MYO5A: variants seen among roughly 807,000 people sequenced by gnomAD.
The protein encoded by MYO5A is myosin VA.
Under a neutral mutation model 249.7 loss-of-function variants are expected in MYO5A, and 98 were observed. The observed-to-expected ratio is 0.39, with a 90% confidence interval of 0.33 to 0.46. MYO5A has a LOEUF of 0.46. Among genes scored for constraint, MYO5A ranks in the 20% least tolerant of loss-of-function variants. The pLI, the probability that MYO5A is intolerant of heterozygous loss-of-function variation, is 0.98. For missense variants in MYO5A, 1,696 were observed against 2,308.8 expected (o/e 0.73, Z 5.44); for synonymous variants, 778 against 810.6 (o/e 0.96, Z 0.68).
intron 1 of MYO5A, among the ~76,000 whole-genome samples, chr15:52,482,237 C>T (rs1043962827): frequency 6.6e-6 from 1 of 152,030 alleles, no homozygotes; most frequent in Non-Finnish European, 1.5e-5. Flanking sequence ...CTCTTTTTTT[C>T]GTTTAACATA....
chr15:52,507,893 T>C (rs975576962), intron 1 of MYO5A, among the ~76,000 whole-genome samples: 1 of 151,804 alleles, frequency 6.6e-6, no homozygotes, highest in African/African-American at 2.4e-5. Flanking sequence ...ATAAATTATT[T>C]AAAATAGACA....
chr15:52,400,864 TTCTA>T (rs1196160172), intron 9 of MYO5A, among the ~76,000 whole-genome samples: 3 of 152,196 alleles, frequency 2.0e-5, no homozygotes, highest in Admixed American at 1.3e-4. Flanking sequence ...CTTGTGGGAA[TTCTA>T]TCTTTTACCA....
intron 23 of MYO5A, among the ~76,000 whole-genome samples, chr15:52,365,684 A>T (rs942697889): frequency 6.6e-6 from 1 of 152,192 alleles, no homozygotes; most frequent in African/African-American, 2.4e-5. Flanking sequence ...TCCCTAGAGT[A>T]GGGCTTTAAT....
At chr15:52,476,373 G>T (rs2076593194) in intron 1 of MYO5A, among the ~76,000 whole-genome samples, 1 of 152,118 alleles carries the variant, frequency 6.6e-6, no homozygotes. Context: ...CTTTTAATTG[G>T]AGCATTTAGC....
At position 52,482,235 on chromosome 15, in the gene MYO5A, T is replaced by C. The variant is rs372311752; in HGVS notation, c.27+46545A>G. On this transcript the variant is annotated intron_variant, in intron 1 of 41. Transcript: ENST00000399233. ...TTTCTCCTATAGGCCATCTCTTTTT[T>C]TCGTTTAACATAAATAAACCAAGTA... Among the ~76,000 whole-genome samples, 45 of 152,332 alleles carry C rather than the reference T, an allele frequency of 3.0e-4. No homozygotes were observed. The East Asian group carries it at 5.8e-3, about 20-fold the overall frequency.
intron 1 of MYO5A, among the ~76,000 whole-genome samples, chr15:52,450,856 T>TGTTTTTTGTTTTTTG (rs1567138445): frequency 2.7e-5 from 4 of 146,688 alleles, no homozygotes; most frequent in East Asian, 4.0e-4. Context: ...TTTTTTTTTT[T>TGTTTTTTGTTTTTTG]TTTTTTTTTG....
chr15:52,528,826 C>A lies in MYO5A; in HGVS notation c.-20G>T, dbSNP rs1285129718. Reference sequence around the variant, plus strand: ...AGCCATGGCGGGCCCCGCGCGCCTACGCCCCCCGCCTGTGCGGAGGCCGCA... The same window carrying A: ...AGCCATGGCGGGCCCCGCGCGCCTAAGCCCCCCGCCTGTGCGGAGGCCGCA... On this transcript the variant is annotated 5_prime_UTR_variant, in exon 1 of 42. Transcript: ENST00000399233. 2 of 1,474,346 alleles carry A rather than the reference C, an allele frequency of 1.4e-6. No homozygotes were observed. The highest frequency in any genetic ancestry group is 1.5e-5 in the African/African-American group (1 of 68,158). The allele number at this position is 1,474,346 out of a possible 1,614,324, so 91.3% of individuals were successfully genotyped here. A position where few individuals can be genotyped will look rare whatever the true frequency, so the allele number is the denominator to read the frequency against.
chr15:52,448,957 C>CT (rs145765339), intron 1 of MYO5A, among the ~76,000 whole-genome samples: 2,055 of 55,574 alleles, frequency 0.037, 489 homozygotes, highest in African/African-American at 0.11. Flanking sequence ...TCTTGTCTTT[C>CT]TTTTTTTTTT....
chr15:52,477,683 AC>A (rs1441138401), intron 1 of MYO5A, among the ~76,000 whole-genome samples: 1 of 152,150 alleles, frequency 6.6e-6, no homozygotes, highest in Non-Finnish European at 1.5e-5. Flanking sequence ...TCCACTCCAG[AC>A]CCTGTTTGCC....
chr15:52,314,234 G>C, intron 40 of MYO5A, 31 bp from the exon 41 acceptor site: 1 of 1,520,346 alleles, frequency 6.6e-7, no homozygotes, highest in South Asian at 1.1e-5. Flanking sequence ...AAAGTTTTTG[G>C]CATATTATCA....
intron 1 of MYO5A, among the ~76,000 whole-genome samples, chr15:52,460,108 T>G (rs2076214359): frequency 6.7e-6 from 1 of 148,204 alleles, no homozygotes; most frequent in Non-Finnish European, 1.5e-5. Context: ...GCAGAGACGC[T>G]CCTCACCTCC....
In MYO5A at chr15:52,351,385, G is replaced by A. The variant is rs1456851648; in HGVS notation, c.3718C>T (p.Pro1240Ser). Residue 1240 changes from proline to serine, a missense_variant, in exon 28 of 42, where the codon CCA becomes TCA. By Grantham distance (74) the Pro-to-Ser change is moderately conservative (BLOSUM62 -1). Around this residue, in one of 5 missense-constraint regions of MYO5A, gnomAD observed 625 missense variants for 908.1 expected, o/e 0.69. Coordinates refer to ENST00000399233, the MANE Select transcript of MYO5A (RefSeq NM_001382347.1). Reference sequence around the variant, plus strand: ...AGGACACGGTAGGCAGGTGCACCTGGGGCGGTCACCTCTGGGGCACTTTTC... The same window carrying A: ...AGGACACGGTAGGCAGGTGCACCTGAGGCGGTCACCTCTGGGGCACTTTTC... ...SEKSAPEVTA[P>S]GAPAYRVLME... 17 of 1,614,020 alleles carry A rather than the reference G, an allele frequency of 1.1e-5. No individual in the cohort carries two copies. Among genetic ancestry groups the A allele is most frequent in the East Asian group, 2.2e-5 (1 of 44,906 alleles).
chr15:52,450,151 T>G (rs1318212352), intron 1 of MYO5A, among the ~76,000 whole-genome samples: 1 of 151,848 alleles, frequency 6.6e-6, no homozygotes, highest in African/African-American at 2.4e-5. Context: ...AAGACCCATC[T>G]CAAAAATAAT....
intron 9 of MYO5A, among the ~76,000 whole-genome samples, 185 bp downstream of exon 9, chr15:52,405,102 C>G: frequency 6.6e-6 from 1 of 150,926 alleles, no homozygotes; most frequent in African/African-American, 2.4e-5. Flanking sequence ...CACTATGCAC[C>G]AGAGATTAGA....
In MYO5A at chr15:52,372,347, T is replaced by C; in HGVS notation, c.2594A>G (p.Lys865Arg). ...NRYRKILREHKAVIIQKRVRG... is the reference protein window; with the variant it reads ...NRYRKILREHRAVIIQKRVRG... Reference sequence around the variant, plus strand: ...GACTCGCTTCTGAATGATGACTGCTTTGTGCTCACGGAGTATCTGCAGAAA... The same window carrying C: ...GACTCGCTTCTGAATGATGACTGCTCTGTGCTCACGGAGTATCTGCAGAAA... Residue 865 changes from lysine to arginine, a missense_variant, in exon 21 of 42, where the codon AAA (lysine) becomes AGA (arginine). Lys to Arg is a conservative substitution (Grantham distance 26). Transcript: ENST00000399233. 6.2e-7 allele frequency: 1 copy of C among 1,602,880 alleles called. No individual in the cohort carries two copies. Among genetic ancestry groups the C allele is most frequent in the African/African-American group, 1.3e-5 (1 of 75,044 alleles).
intron 1 of MYO5A, among the ~76,000 whole-genome samples, chr15:52,465,735 GA>G (rs1228474430): frequency 6.6e-6 from 1 of 152,152 alleles, no homozygotes; most frequent in East Asian, 1.9e-4. Flanking sequence ...TACATCTTGA[GA>G]TTTTTTTCGC....
intron 24 of MYO5A, among the ~76,000 whole-genome samples, chr15:52,361,505 CT>C (rs1446656793): frequency 6.6e-6 from 1 of 152,128 alleles, no homozygotes; most frequent in Non-Finnish European, 1.5e-5. Flanking sequence ...TGATTAAGTG[CT>C]CTGGATCTGA....
rs201777973 is a variant in MYO5A, at chr15:52,332,965, CA to C, written c.4409-2467del. On this transcript the variant is annotated intron_variant, in intron 34 of 41. Transcript: ENST00000399233. ...GAGTGATGAAAGCCAAACTCCATCT[CA>C]ATAAATAAATAAATAAAGAGGCAAC... is the stretch of plus-strand genomic sequence containing the variant. 8.2e-3 allele frequency among the ~76,000 whole-genome samples: 1,250 copies of C among 152,218 alleles called. 16 individuals carry two copies. Among genetic ancestry groups the C allele is most frequent in the African/African-American group, 0.027 (1,137 of 41,530 alleles).
chr15:52,420,353 T>A (rs1369578384), intron 4 of MYO5A, among the ~76,000 whole-genome samples: 2 of 150,442 alleles, frequency 1.3e-5, no homozygotes, highest in African/African-American at 4.9e-5. Context: ...TCTGCCCTCA[T>A]GGATGGATTT....
Sources: gnomAD v4.1 joint callset for allele counts (sites outside exome capture counted in the v4.1 genomes callset) on GRCh38, gnomAD v4.1.1 for gene constraint, gnomAD v4.1.1 regional missense constraint, MANE v1.5 for transcripts, NCBI Gene and HGNC (gene_info 2026-07-23, HGNC 2026-07-21) for gene names.